ERCC6L2: variants seen among roughly 807,000 people sequenced by gnomAD.
The protein encoded by ERCC6L2 is ERCC excision repair 6 like 2.
Under a neutral mutation model 132.0 loss-of-function variants are expected in ERCC6L2, and 77 were observed. That is an observed-to-expected ratio of 0.58 (90% CI 0.49 to 0.71). ERCC6L2 has a LOEUF of 0.71. Ranked by LOEUF, ERCC6L2 falls within the 30% of genes least tolerant of loss-of-function variation. ERCC6L2 has a pLI of 0.00. For synonymous variants in ERCC6L2, 583 were observed against 632.4 expected (o/e 0.92, Z 1.17); for missense variants, 1,542 against 1,837.6 (o/e 0.84, Z 2.94).
At chr9:95,976,795 C>T (rs1242272344) in intron 16 of ERCC6L2, among the ~76,000 whole-genome samples, 4 of 152,130 alleles carry the variant, frequency 2.6e-5, no homozygotes, top group African/African-American at 9.7e-5. Flanking sequence ...GTTAGCATTG[C>T]CTTCACAAGT....
rs552759970 is a variant in ERCC6L2, at chr9:95,928,222, C to A, written c.1605+72C>A. ...GAGGCATAAAGAATAAAGCATATGCCTACATGACACCTTACAGCCACATTT... is the reference window on the plus strand; with the variant it reads ...GAGGCATAAAGAATAAAGCATATGCATACATGACACCTTACAGCCACATTT... On this transcript the variant is annotated intron_variant, in intron 10 of 18. Transcript: ENST00000653738. 780 of 969,238 alleles carry A rather than the reference C, an allele frequency of 8.0e-4. 1 individual carries two copies. The highest frequency in any genetic ancestry group is 1.1e-3 in the Non-Finnish European group (649 of 617,832). 60.0% of individuals were successfully genotyped at this position (969,238 alleles called of 1,614,324 possible). A position where few individuals can be genotyped will look rare whatever the true frequency, so the allele number is the denominator to read the frequency against.
In ERCC6L2 at chr9:96,004,469, A is replaced by G. The variant is rs1013455412; in HGVS notation, c.3493-51A>G. On this transcript the variant is annotated intron_variant, in intron 17 of 18. Coordinates refer to ENST00000653738, the MANE Select transcript of ERCC6L2 (RefSeq NM_020207.7). Reference sequence around the variant, plus strand: ...AGTAAGACATTCTCATTATTTGACCAACAATGACTATTTTTTCAGACATAG... The same window carrying G: ...AGTAAGACATTCTCATTATTTGACCGACAATGACTATTTTTTCAGACATAG... 1.4e-5 allele frequency: 15 copies of G among 1,080,120 alleles called. No homozygotes were observed. In the East Asian group the frequency reaches 1.8e-4, roughly 13 times the overall value. 66.9% of individuals were successfully genotyped at this position (1,080,120 alleles called of 1,614,324 possible). A position where few individuals can be genotyped will look rare whatever the true frequency, so the allele number is the denominator to read the frequency against.
chr9:95,899,814 C>G (rs1275552021), intron 3 of ERCC6L2, among the ~76,000 whole-genome samples: 1 of 152,080 alleles, frequency 6.6e-6, no homozygotes, highest in African/African-American at 2.4e-5. Flanking sequence ...TTTAAATCAT[C>G]TGTAGTTTAC....
chr9:96,030,730 C>T (rs1370243304), intron 19 of ERCC6L2, among the ~76,000 whole-genome samples: 5 of 148,424 alleles, frequency 3.4e-5, no homozygotes, highest in Middle Eastern at 3.3e-3. Flanking sequence ...AGCTGTAACA[C>T]TCACCGCGAA....
intron 4 of ERCC6L2, among the ~76,000 whole-genome samples, chr9:95,908,913 G>A (rs563723787): frequency 6.6e-6 from 1 of 152,204 alleles, no homozygotes; most frequent in African/African-American, 2.4e-5. Context: ...AGCATAGGAT[G>A]AAAATGATGA....
chr9:95,949,501 T>C (rs942976616), intron 12 of ERCC6L2, among the ~76,000 whole-genome samples: 1 of 152,098 alleles, frequency 6.6e-6, no homozygotes, highest in Non-Finnish European at 1.5e-5. Flanking sequence ...ATCAAGTGGA[T>C]TTGTCAGTAG....
chr9:95,946,483 G>T (rs1473413007), intron 12 of ERCC6L2, among the ~76,000 whole-genome samples: 1 of 152,086 alleles, frequency 6.6e-6, no homozygotes, highest in Non-Finnish European at 1.5e-5. Context: ...AGCTGAGATT[G>T]GGCCACTGCA....
At chr9:95,933,216 C>T (rs1830415935) in intron 11 of ERCC6L2, among the ~76,000 whole-genome samples, 1 of 152,174 alleles carries the variant, frequency 6.6e-6, no homozygotes, top group Admixed American at 6.5e-5. Flanking sequence ...TAGATTTATT[C>T]AACATAGAAA....
intron 2 of ERCC6L2, among the ~76,000 whole-genome samples, chr9:95,896,319 T>C (rs1828455432): frequency 6.6e-6 from 1 of 152,124 alleles, no homozygotes; most frequent in Non-Finnish European, 1.5e-5. Context: ...TTTGAAAATA[T>C]TCTGTTGTAT....
Position 96,032,277 on chromosome 9 carries a change from C to T in ERCC6L2, c.*1504-6599C>T, listed in dbSNP as rs12000962. ...GCCTTCCACTGGAAACCCCCAGGAACGAGCAGCTCCACTCATGTTGGGCAG... is the reference window on the plus strand; with the variant it reads ...GCCTTCCACTGGAAACCCCCAGGAATGAGCAGCTCCACTCATGTTGGGCAG... On this transcript the variant is annotated intron_variant and NMD_transcript_variant, in intron 19 of 20. Transcript: ENST00000670016. 2.9e-3 allele frequency among the ~76,000 whole-genome samples: 447 copies of T among 152,304 alleles called. 1 individual carries two copies. The highest frequency in any genetic ancestry group is 0.01 in the African/African-American group (424 of 41,562).
chr9:96,039,758 C>A (rs1413592266), intron 20 of ERCC6L2, among the ~76,000 whole-genome samples: 1 of 152,168 alleles, frequency 6.6e-6, no homozygotes, highest in East Asian at 1.9e-4. Flanking sequence ...CTCCTTCTGG[C>A]TGCAGAAGAC....
rs1828561168 is a variant in ERCC6L2, at chr9:95,898,052, TA to T, written c.594+85del. ...ATAGAAATATTTAAATATCACACAT[TA>T]AAATGTATTGGTATACATTTTAAAA... On this transcript the variant is annotated intron_variant, in intron 3 of 18. Transcript: ENST00000653738. 3.2e-6 allele frequency: 4 copies of T among 1,258,568 alleles called. No individual in the cohort carries two copies. The South Asian group carries it at 6.1e-5, about 19-fold the overall frequency. The allele number at this position is 1,258,568 out of a possible 1,614,324, so 78.0% of individuals were successfully genotyped here.
chr9:96,039,022 T>A (rs889183198), exon 20 of ERCC6L2: 1 of 433,440 alleles, frequency 2.3e-6, no homozygotes, highest in Non-Finnish European at 4.7e-6. Flanking sequence ...TGGAGACAGC[T>A]CCCCCAGCCC....
At chr9:95,985,114 A>G (rs2133136312) in intron 17 of ERCC6L2, among the ~76,000 whole-genome samples, 1 of 152,304 alleles carries the variant, frequency 6.6e-6, no homozygotes, top group South Asian at 2.1e-4. Context: ...GGGATCACTC[A>G]GTTTCAGGTT....
chr9:96,004,114 C>G (rs968601400), intron 17 of ERCC6L2, among the ~76,000 whole-genome samples: 2 of 152,094 alleles, frequency 1.3e-5, no homozygotes, highest in African/African-American at 4.8e-5. Flanking sequence ...TTACATGTCT[C>G]CATTAATGAA....
chr9:95,961,359 T>C (rs1323124351), intron 13 of ERCC6L2, among the ~76,000 whole-genome samples: 1 of 152,064 alleles, frequency 6.6e-6, no homozygotes, highest in East Asian at 1.9e-4. Flanking sequence ...AGCCAAAGAA[T>C]GCTACGGATT....
At chr9:95,900,303 G>A (rs1053775188) in intron 3 of ERCC6L2, among the ~76,000 whole-genome samples, 3 of 151,790 alleles carry the variant, frequency 2.0e-5, no homozygotes, top group African/African-American at 4.8e-5. Context: ...TGAGAGAATC[G>A]CATGAGCCCA....
chr9:95,876,160 T>C lies in ERCC6L2; in HGVS notation c.46+76T>C, dbSNP rs1827254263. ...GTTGGACCAGTTCTTGCCGGTGCCCTTCGGGTTGGGGTTTTGCCCTGTAGA... is the reference window on the plus strand; with the variant it reads ...GTTGGACCAGTTCTTGCCGGTGCCCCTCGGGTTGGGGTTTTGCCCTGTAGA... On this transcript the variant is annotated intron_variant, in intron 1 of 18. Coordinates refer to ENST00000653738, the MANE Select transcript of ERCC6L2 (RefSeq NM_020207.7). 3 of 1,424,036 alleles carry C rather than the reference T, an allele frequency of 2.1e-6. No homozygotes were observed. In the South Asian group the frequency reaches 3.7e-5, roughly 18 times the overall value. The allele number at this position is 1,424,036 out of a possible 1,614,324, so 88.2% of individuals were successfully genotyped here. A position where few individuals can be genotyped will look rare whatever the true frequency, so the allele number is the denominator to read the frequency against.
intron 14 of ERCC6L2, chr9:95,968,903 T>C (rs1046416621): frequency 6.6e-6 from 1 of 152,140 alleles, no homozygotes; most frequent in Non-Finnish European, 1.5e-5. Context: ...AAATATGGAA[T>C]GTATTATGAT....
Sources: allele counts gnomAD v4.1 joint callset (sites outside exome capture counted in the v4.1 genomes callset), GRCh38; gene constraint gnomAD v4.1.1; transcripts MANE v1.5; gene names NCBI Gene and HGNC (gene_info 2026-07-23, HGNC 2026-07-21).